The following CCSER1 variants were observed in gnomAD, a reference collection of about 807,000 sequenced individuals.
CCSER1 encodes coiled-coil serine rich protein 1, also known as serine-rich coiled-coil domain-containing protein 1.
Under a neutral mutation model 82.0 loss-of-function variants are expected in CCSER1, and 41 were observed. The ratio of observed to expected loss-of-function variants is 0.50; its 90% confidence interval spans 0.39 to 0.65. The LOEUF is 0.65. Ranked by LOEUF, CCSER1 falls within the 30% of genes least tolerant of loss-of-function variation. The probability of loss-of-function intolerance (pLI) is 0.00; values close to 1 mark genes in which losing one functional copy is unlikely to be tolerated. For missense variants in CCSER1, 1,119 were observed against 1,064.2 expected, an observed-to-expected ratio of 1.05 and a Z score of -0.72; for synonymous variants, 414 against 383.9, an observed-to-expected ratio of 1.08 and a Z score of -0.92.
intron 1 of CCSER1, among the ~76,000 whole-genome samples, chr4:90,249,492 A>G (rs1052282186): frequency 1.3e-5 from 2 of 152,132 alleles, no homozygotes; most frequent in African/African-American, 4.8e-5. Context: ...AATCACCCAC[A>G]ATATTCTCCA....
chr4:91,579,509 TTAATTTTTATA>T (rs1438522938), intron 10 of CCSER1, among the ~76,000 whole-genome samples: 1 of 151,828 alleles, frequency 6.6e-6, no homozygotes, highest in East Asian at 1.9e-4. Flanking sequence ...TGAATAAATG[TTAATTTTTATA>T]TAAATGTTTC....
At chr4:90,367,274 A>G (rs1196957075) in intron 3 of CCSER1, among the ~76,000 whole-genome samples, 1 of 151,972 alleles carries the variant, frequency 6.6e-6, no homozygotes, top group Non-Finnish European at 1.5e-5. Context: ...AAAAAGTGCT[A>G]TGCATTTTAG....
In CCSER1 at chr4:91,367,683, C is replaced by T. The variant is rs116766546; in HGVS notation, c.2218-230889C>T. Reference sequence around the variant, plus strand: ...TTACTATATCATGGATTTTCTTCTTCACCTTCCACTATTCAAGACTTTCCT... The same window carrying T: ...TTACTATATCATGGATTTTCTTCTTTACCTTCCACTATTCAAGACTTTCCT... On this transcript the variant is annotated intron_variant, in intron 10 of 10. Transcript: ENST00000509176. 6.1e-3 allele frequency among the ~76,000 whole-genome samples: 930 copies of T among 152,216 alleles called. 12 individuals carry two copies. The highest frequency in any genetic ancestry group is 0.021 in the African/African-American group (868 of 41,532).
At chr4:90,507,849 A>G (rs551979490) in intron 5 of CCSER1, among the ~76,000 whole-genome samples, 17 of 152,138 alleles carry the variant, frequency 1.1e-4, no homozygotes, top group Non-Finnish European at 2.2e-4. Flanking sequence ...TCTGCTTTTA[A>G]AAGATGATTT....
chr4:90,641,861 T>C (rs1024444754), intron 6 of CCSER1: 2 of 236,550 alleles, frequency 8.5e-6, no homozygotes, highest in Admixed American at 3.9e-5. Context: ...GGTGTGGTAA[T>C]CTATTTGTGT....
At chr4:90,884,005 C>T (rs553059175) in intron 8 of CCSER1, among the ~76,000 whole-genome samples, 1 of 152,204 alleles carries the variant, frequency 6.6e-6, no homozygotes, top group African/African-American at 2.4e-5. Flanking sequence ...GAAGCCATTT[C>T]TGATATTCAT....
chr4:90,254,472 G>A (rs1251310546), intron 1 of CCSER1, among the ~76,000 whole-genome samples: 1 of 152,176 alleles, frequency 6.6e-6, no homozygotes, highest in Non-Finnish European at 1.5e-5. Context: ...AGTATTATCA[G>A]CCAGCTATGC....
intron 10 of CCSER1, among the ~76,000 whole-genome samples, chr4:91,397,300 A>G (rs1752049124): frequency 6.6e-6 from 1 of 152,024 alleles, no homozygotes; most frequent in Non-Finnish European, 1.5e-5. Flanking sequence ...TAAGACAGAT[A>G]TAAGAAACAA....
At chr4:90,548,732 A>G (rs1249865860) in intron 5 of CCSER1, among the ~76,000 whole-genome samples, 2 of 132,958 alleles carry the variant, frequency 1.5e-5, no homozygotes, top group East Asian at 4.5e-4. Context: ...TTAAAGATAT[A>G]TATATATATA....
intron 10 of CCSER1, among the ~76,000 whole-genome samples, chr4:91,253,023 A>C (rs11929906): frequency 0.011 from 1,687 of 152,238 alleles, 43 homozygotes; most frequent in African/African-American, 0.039. Context: ...ACTAAAAAAA[A>C]AAAGAGGGTG....
intron 6 of CCSER1, among the ~76,000 whole-genome samples, chr4:90,695,800 A>G (rs974362200): frequency 6.6e-6 from 1 of 151,956 alleles, no homozygotes; most frequent in African/African-American, 2.4e-5. Flanking sequence ...TTTTCAAGGA[A>G]TTTTTTTACA....
chr4:90,820,020 C>T (rs910600755), intron 8 of CCSER1, among the ~76,000 whole-genome samples: 1 of 152,260 alleles, frequency 6.6e-6, no homozygotes, highest in East Asian at 1.9e-4. Flanking sequence ...CATCTACTCC[C>T]AACTGTTCTA....
chr4:90,280,356 C>T (rs1728636966), intron 1 of CCSER1, among the ~76,000 whole-genome samples: 1 of 151,824 alleles, frequency 6.6e-6, no homozygotes, highest in South Asian at 2.1e-4. Flanking sequence ...TCCTCTCTCT[C>T]TTCATTCATT....
chr4:90,275,080 G>C (rs1281341967), intron 1 of CCSER1, among the ~76,000 whole-genome samples: 2 of 152,084 alleles, frequency 1.3e-5, no homozygotes, highest in Middle Eastern at 3.2e-3. Context: ...ATCGTACTTG[G>C]AAAATTGCTA....
intron 10 of CCSER1, among the ~76,000 whole-genome samples, chr4:91,432,708 C>T (rs1754401337): frequency 6.6e-6 from 1 of 151,982 alleles, no homozygotes; most frequent in Admixed American, 6.6e-5. Context: ...TTCTTTTTTA[C>T]TACTGGATTT....
chr4:90,647,399 T>G (rs1727786762), intron 6 of CCSER1, among the ~76,000 whole-genome samples: 1 of 152,182 alleles, frequency 6.6e-6, no homozygotes, highest in African/African-American at 2.4e-5. Context: ...TTTACAGGGC[T>G]TTCTAGATTT....
At chr4:90,492,825 A>G (rs555143696) in intron 5 of CCSER1, among the ~76,000 whole-genome samples, 72 of 152,212 alleles carry the variant, frequency 4.7e-4, no homozygotes, top group African/African-American at 1.5e-3. Context: ...GTAGCTGAGC[A>G]GTTTTGAGTG....
intron 8 of CCSER1, among the ~76,000 whole-genome samples, chr4:90,837,292 A>G (rs779563473): frequency 2.2e-4 from 33 of 152,178 alleles, no homozygotes; most frequent in Non-Finnish European, 3.5e-4. Context: ...ATGGGCACTA[A>G]GAGGCACTCT....
chr4:91,221,013 A>G (rs1479186521), intron 10 of CCSER1, among the ~76,000 whole-genome samples: 2 of 152,194 alleles, frequency 1.3e-5, no homozygotes, highest in Non-Finnish European at 2.9e-5. Context: ...TTAGTTAAAT[A>G]AACTAAAATC....
Sources: allele counts gnomAD v4.1 joint callset (sites outside exome capture counted in the v4.1 genomes callset), GRCh38; gene constraint gnomAD v4.1.1; transcripts MANE v1.5; gene names NCBI Gene and HGNC (gene_info 2026-07-23, HGNC 2026-07-21).